The following MEGF11 variants were observed in gnomAD, a reference collection of about 807,000 sequenced individuals.
MEGF11 encodes the protein multiple EGF like domains 11.
Under a neutral mutation model 146.6 loss-of-function variants are expected in MEGF11, and 126 were observed. The observed-to-expected ratio is 0.86, with a 90% confidence interval of 0.74 to 1.00. The LOEUF (loss-of-function observed/expected upper bound fraction) is 1.00, where lower values mean the gene tolerates loss of function less well. MEGF11 is among the 50% of genes least tolerant of loss of function. The pLI is 0.00. For synonymous variants in MEGF11, 532 were observed against 583.4 expected (o/e 0.91, Z 1.27); for missense variants, 1,509 against 1,521.2 (o/e 0.99, Z 0.13).
chr15:66,073,633 G>A (rs2085460655), intron 5 of MEGF11, among the ~76,000 whole-genome samples: 1 of 152,142 alleles, frequency 6.6e-6, no homozygotes. Context: ...GCCTTTCCTG[G>A]TTCCCCAGGG....
intron 5 of MEGF11, among the ~76,000 whole-genome samples, chr15:66,023,829 C>T (rs569427243): frequency 4.1e-4 from 62 of 152,320 alleles, no homozygotes; most frequent in South Asian, 1.4e-3. Context: ...TTAAAACCAG[C>T]TGGGGCACAG....
chr15:66,160,258 T>A (rs1035590332), intron 1 of MEGF11, among the ~76,000 whole-genome samples: 3 of 151,604 alleles, frequency 2.0e-5, no homozygotes, highest in African/African-American at 7.3e-5. Context: ...TCTCTCTCTC[T>A]CTCTCTCTCT....
intron 1 of MEGF11, among the ~76,000 whole-genome samples, chr15:66,244,243 T>C (rs1440298142): frequency 6.6e-6 from 1 of 152,172 alleles, no homozygotes; most frequent in Non-Finnish European, 1.5e-5. Context: ...AAGAAGGCTC[T>C]ATGTCCTGCC....
chr15:66,217,738 A>G (rs2091622895), intron 1 of MEGF11, among the ~76,000 whole-genome samples: 2 of 152,212 alleles, frequency 1.3e-5, no homozygotes, highest in Non-Finnish European at 2.9e-5. Context: ...GACCCAAAGA[A>G]GGGAAGAGAT....
At chr15:66,212,664 C>T (rs1183817030) in intron 1 of MEGF11, among the ~76,000 whole-genome samples, 1 of 152,112 alleles carries the variant, frequency 6.6e-6, no homozygotes, top group African/African-American at 2.4e-5. Flanking sequence ...ACTGCCAAGT[C>T]TTTGCCTGGC....
chr15:66,118,816 T>G (rs748176659), intron 4 of MEGF11, among the ~76,000 whole-genome samples: 6 of 152,108 alleles, frequency 3.9e-5, no homozygotes, highest in Non-Finnish European at 5.9e-5. Flanking sequence ...AGGAGCCACT[T>G]CTCCCCTATC....
chr15:66,017,766 G>A (rs2082942283), intron 5 of MEGF11, among the ~76,000 whole-genome samples: 1 of 152,232 alleles, frequency 6.6e-6, no homozygotes, highest in Admixed American at 6.5e-5. Context: ...GGTCCAGAGA[G>A]AGGTTTCCCA....
intron 5 of MEGF11, among the ~76,000 whole-genome samples, chr15:66,063,705 T>C (rs1175458882): frequency 6.6e-6 from 1 of 152,194 alleles, no homozygotes. Context: ...CCCCCGAAAT[T>C]TGGAGTATTT....
At chr15:66,206,800 G>A (rs970120703) in intron 1 of MEGF11, among the ~76,000 whole-genome samples, 4 of 152,156 alleles carry the variant, frequency 2.6e-5, no homozygotes, top group Non-Finnish European at 4.4e-5. Flanking sequence ...CTACTCAGGA[G>A]GCTGAGGCAG....
At position 66,059,575 on chromosome 15, in the gene MEGF11, G is replaced by A. The variant is rs1332845610; in HGVS notation, c.394+34827C>T. Among the ~76,000 whole-genome samples, 12 of 128,598 alleles carry A rather than the reference G, an allele frequency of 9.3e-5. 1 individual carries two copies. Among genetic ancestry groups the A allele is most frequent in the Admixed American group, 6.4e-4 (8 of 12,586 alleles). The allele number at this position is 128,598 out of a possible 152,430, so 84.4% of individuals were successfully genotyped here. ...ACTCAGCAAAACTCCCAGCCCTCCC[G>A]CCCCTGCCCAGTCCCAGAGACCCCC... On this transcript the variant is annotated intron_variant, in intron 5 of 25. Coordinates refer to ENST00000395614, the MANE Select transcript of MEGF11 (RefSeq NM_001385028.1).
intron 5 of MEGF11, among the ~76,000 whole-genome samples, chr15:66,024,457 G>C (rs1020835597): frequency 6.6e-6 from 1 of 152,246 alleles, no homozygotes; most frequent in Non-Finnish European, 1.5e-5. Flanking sequence ...GCTGGCCAGA[G>C]GCACTTCCAT....
intron 8 of MEGF11, among the ~76,000 whole-genome samples, 170 bp downstream of exon 8, chr15:65,970,383 G>A (rs1333121243): frequency 2.0e-5 from 3 of 152,176 alleles, no homozygotes; most frequent in Admixed American, 6.5e-5. Context: ...TCTGCAGGCC[G>A]AGGGTGAGGA....
intron 5 of MEGF11, among the ~76,000 whole-genome samples, chr15:65,998,653 A>G (rs1034121063): frequency 2.0e-5 from 3 of 152,052 alleles, no homozygotes; most frequent in African/African-American, 7.2e-5. Flanking sequence ...AGGGCAGGTC[A>G]CGGTGGTGGT....
At chr15:65,988,101 A>G (rs1030256422) in intron 5 of MEGF11, among the ~76,000 whole-genome samples, 3 of 145,444 alleles carry the variant, frequency 2.1e-5, no homozygotes, top group African/African-American at 5.1e-5. Flanking sequence ...TCTGTGTCCC[A>G]GGTTCAAGTG....
intron 21 of MEGF11, among the ~76,000 whole-genome samples, chr15:65,910,817 T>C (rs2078778868): frequency 6.6e-6 from 1 of 152,182 alleles, no homozygotes; most frequent in East Asian, 1.9e-4. Context: ...AGCCATGCTT[T>C]TGTCCCTGAA....
At chr15:65,902,658 A>G (rs1364918205) in intron 24 of MEGF11, 1 of 152,276 alleles carries the variant, frequency 6.6e-6, no homozygotes, top group Admixed American at 6.5e-5. Flanking sequence ...TTGCAAAGAA[A>G]GAGGAAGCAT....
intron 10 of MEGF11, among the ~76,000 whole-genome samples, chr15:65,937,432 C>G (rs1042360866): frequency 7.9e-5 from 12 of 152,250 alleles, no homozygotes; most frequent in African/African-American, 2.7e-4. Flanking sequence ...TAGAAGTAGT[C>G]TATCTTCTCT....
intron 1 of MEGF11, among the ~76,000 whole-genome samples, chr15:66,170,148 G>A (rs1439944954): frequency 6.6e-6 from 1 of 152,176 alleles, no homozygotes; most frequent in East Asian, 1.9e-4. Flanking sequence ...AATAATAATA[G>A]CAACAGGAGG....
chr15:66,232,287 C>A (rs917803593), intron 1 of MEGF11, among the ~76,000 whole-genome samples: 18 of 152,196 alleles, frequency 1.2e-4, no homozygotes, highest in Non-Finnish European at 2.1e-4. Flanking sequence ...CATAGCTTAA[C>A]CATTTCCCAT....
Sources: allele counts gnomAD v4.1 joint callset (sites outside exome capture counted in the v4.1 genomes callset), GRCh38; gene constraint gnomAD v4.1.1; transcripts MANE v1.5; gene names NCBI Gene and HGNC (gene_info 2026-07-23, HGNC 2026-07-21).